CCDC7: variants seen among roughly 807,000 people sequenced by gnomAD.
CCDC7 encodes the protein coiled-coil domain containing 7, also known as coiled-coil domain-containing protein 7.
In CCDC7, 183 loss-of-function variants were observed where a neutral mutation model predicts 196.9. The observed-to-expected ratio is 0.93, with a 90% CI of 0.82 to 1.05. CCDC7 has a LOEUF of 1.05. Ranked by LOEUF, CCDC7 falls within the 50% of genes least tolerant of loss-of-function variation. The pLI is 0.00. For missense variants in CCDC7, 1,540 were observed against 1,482.2 expected (o/e 1.04, Z -0.64); for synonymous variants, 525 against 484.6 (o/e 1.08, Z -1.10).
chr10:32,565,885 G>A (rs1018294498), intron 14 of CCDC7, among the ~76,000 whole-genome samples: 4 of 152,032 alleles, frequency 2.6e-5, no homozygotes, highest in African/African-American at 9.7e-5. Flanking sequence ...TGGTTGCAGT[G>A]TGAACAAAAG....
chr10:32,462,983 T>C (rs539408682), intron 4 of CCDC7, 34 bp from the exon 6 acceptor site: 1 of 1,613,108 alleles, frequency 6.2e-7, no homozygotes, highest in Non-Finnish European at 8.5e-7. Flanking sequence ...GTAGTCACTA[T>C]TTCTTTTTTT....
intron 28 of CCDC7, among the ~76,000 whole-genome samples, chr10:32,732,820 G>C (rs1169146624): frequency 6.6e-6 from 1 of 152,088 alleles, no homozygotes; most frequent in African/African-American, 2.4e-5. Flanking sequence ...TAATCTGTCA[G>C]ATATTAACAT....
At chr10:32,619,816 C>T (rs907438267) in intron 18 of CCDC7, among the ~76,000 whole-genome samples, 1 of 150,582 alleles carries the variant, frequency 6.6e-6, no homozygotes, top group African/African-American at 2.5e-5. Flanking sequence ...CCAGCCTGGT[C>T]TCAAACTCTT....
At chr10:32,491,556 C>A (rs181623312) in intron 8 of CCDC7, among the ~76,000 whole-genome samples, 89 of 152,202 alleles carry the variant, frequency 5.8e-4, no homozygotes, top group Middle Eastern at 3.4e-3. Flanking sequence ...CTCTGATATT[C>A]CATATCATAA....
At chr10:32,544,477 T>C (rs1199597670) in intron 13 of CCDC7, 176 bp downstream of exon 14, 1 of 453,094 alleles carries the variant, frequency 2.2e-6, no homozygotes, top group East Asian at 3.8e-5. Context: ...TTCTTGTTGA[T>C]GGACTCTTCT....
intron 3 of CCDC7, among the ~76,000 whole-genome samples, chr10:32,461,691 ATG>A (rs200853278): frequency 0.025 from 2,685 of 106,300 alleles, 115 homozygotes; most frequent in African/African-American, 0.077. Flanking sequence ...CCTTACATAT[ATG>A]TGTGTGTGTG....
chr10:32,729,260 C>T (rs1291913057), intron 27 of CCDC7, 72 bp from the exon 29 acceptor site: 1 of 1,381,704 alleles, frequency 7.2e-7, no homozygotes, highest in African/African-American at 1.5e-5. Flanking sequence ...ATTTTACTTC[C>T]ATGGGTTGAA....
At chr10:32,670,508 A>T (rs934614297) in intron 21 of CCDC7, among the ~76,000 whole-genome samples, 2 of 151,110 alleles carry the variant, frequency 1.3e-5, no homozygotes, top group Non-Finnish European at 3.0e-5. Context: ...GTCATCTAGC[A>T]TTAGGTATAT....
chr10:32,872,530 C>T (rs1489608493), intron 41 of CCDC7, among the ~76,000 whole-genome samples: 1 of 152,006 alleles, frequency 6.6e-6, no homozygotes, highest in African/African-American at 2.4e-5. Context: ...AGCATTTTGC[C>T]TATTTACATT....
chr10:32,604,717 T>C (rs2061397790), intron 18 of CCDC7, among the ~76,000 whole-genome samples: 1 of 152,172 alleles, frequency 6.6e-6, no homozygotes, highest in African/African-American at 2.4e-5. Context: ...TGATTTTTTT[T>C]CAGCTAGTTC....
In CCDC7 at chr10:32,649,867, G is replaced by A. The variant is rs751380028; in HGVS notation, c.2015-14187G>A. Among the ~76,000 whole-genome samples the A allele has an allele frequency of 2.9e-4, 44 of 152,312 alleles. No individual in the cohort carries two copies. The Middle Eastern group carries it at 0.017, about 59-fold the overall frequency. On this transcript the variant is annotated intron_variant, in intron 20 of 41. Transcript: ENST00000639629. The stretch of plus-strand genomic sequence containing the variant: ...TGAGCTTTTCAGCTCAGGAAGTTCA[G>A]TTTGGTTCTTCTTAAAAAGGGAATT...
At chr10:32,556,930 AT>A (rs1372869784) in intron 13 of CCDC7, among the ~76,000 whole-genome samples, 1 of 152,124 alleles carries the variant, frequency 6.6e-6, no homozygotes, top group Non-Finnish European at 1.5e-5. Context: ...CCCATGGTTT[AT>A]TGCATTTCTG....
intron 28 of CCDC7, among the ~76,000 whole-genome samples, chr10:32,755,484 A>G (rs1024550202): frequency 6.6e-6 from 1 of 152,102 alleles, no homozygotes; most frequent in African/African-American, 2.4e-5. Context: ...TACCCAGGCA[A>G]ATAGGATCTG....
intron 9 of CCDC7, among the ~76,000 whole-genome samples, chr10:32,504,741 T>C (rs2044615879): frequency 1.3e-5 from 2 of 152,234 alleles, no homozygotes; most frequent in Admixed American, 6.5e-5. Flanking sequence ...TGATTTCTAG[T>C]TTCAAATTAT....
chr10:32,549,206 A>T (rs2053050777), intron 13 of CCDC7, among the ~76,000 whole-genome samples: 1 of 152,070 alleles, frequency 6.6e-6, no homozygotes, highest in African/African-American at 2.4e-5. Context: ...CCATTTGTAT[A>T]TCTTCTTTTG....
rs1394439244 is a variant in CCDC7, at chr10:32,868,118, T to C, written c.4112-8229T>C. 2.0e-5 allele frequency among the ~76,000 whole-genome samples: 3 copies of C among 151,992 alleles called. No individual in the cohort carries two copies. The South Asian group carries it at 6.2e-4, about 31-fold the overall frequency. Reference sequence around the variant, plus strand: ...AATTTCCTTCCTTTATTTAACTGAATCATATTACATTGTATGTATATACCA... The same window carrying C: ...AATTTCCTTCCTTTATTTAACTGAACCATATTACATTGTATGTATATACCA... On this transcript the variant is annotated intron_variant, in intron 41 of 41. Coordinates refer to ENST00000639629, the Ensembl canonical transcript of CCDC7.
At chr10:32,513,452 C>A (rs1453544299) in intron 9 of CCDC7, 1 of 151,936 alleles carries the variant, frequency 6.6e-6, no homozygotes, top group Admixed American at 6.6e-5. Flanking sequence ...ACAAACTCTT[C>A]TAAAAAATTA....
At chr10:32,825,001 G>T (rs145291293) in intron 32 of CCDC7, among the ~76,000 whole-genome samples, 1 of 152,090 alleles carries the variant, frequency 6.6e-6, no homozygotes, top group Non-Finnish European at 1.5e-5. Context: ...CTCTCATATC[G>T]TTATGTTATC....
chr10:32,724,301 G>A (rs962052690), intron 25 of CCDC7, among the ~76,000 whole-genome samples: 4 of 152,002 alleles, frequency 2.6e-5, no homozygotes, highest in African/African-American at 7.2e-5. Flanking sequence ...TGGGATCCTC[G>A]GGGTTCTTTT....
Sources: allele counts gnomAD v4.1 joint callset (sites outside exome capture counted in the v4.1 genomes callset), GRCh38; gene constraint gnomAD v4.1.1; transcripts MANE v1.5; gene names NCBI Gene and HGNC (gene_info 2026-07-23, HGNC 2026-07-21).